ZNF407: variants seen among roughly 807,000 people sequenced by gnomAD.
The protein encoded by ZNF407 is zinc finger protein 407.
A neutral mutation model predicts 131.2 loss-of-function variants in ZNF407; 17 were observed. The ratio of observed to expected loss-of-function variants is 0.13; its 90% CI spans 0.09 to 0.19. The LOEUF is 0.19. ZNF407 is among the 10% of genes least tolerant of loss of function. ZNF407 has a pLI of 1.00. For synonymous variants in ZNF407, 1,156 were observed against 1,062.0 expected, an observed-to-expected ratio of 1.09 and a Z score of -1.72; for missense variants, 2,681 against 2,830.6, an observed-to-expected ratio of 0.95 and a Z score of 1.20.
At chr18:74,652,169 G>A (rs989409412) in intron 3 of ZNF407, among the ~76,000 whole-genome samples, 21 of 152,036 alleles carry the variant, frequency 1.4e-4, no homozygotes, top group African/African-American at 5.1e-4. Flanking sequence ...GAGCTATAAT[G>A]TAGGAAATCA....
At chr18:74,838,177 A>G (rs1970584197) in intron 4 of ZNF407, among the ~76,000 whole-genome samples, 1 of 152,162 alleles carries the variant, frequency 6.6e-6, no homozygotes, top group Admixed American at 6.5e-5. Context: ...ACTCCTTAAA[A>G]TACATGTTTC....
At chr18:74,687,417 G>T (rs547056196) in intron 3 of ZNF407, among the ~76,000 whole-genome samples, 175 of 152,268 alleles carry the variant, frequency 1.1e-3, no homozygotes, top group African/African-American at 3.9e-3. Context: ...AGGAGGAAAG[G>T]TGTAGCATGA....
chr18:74,695,845 T>C (rs1470030697), intron 3 of ZNF407, among the ~76,000 whole-genome samples: 2 of 152,212 alleles, frequency 1.3e-5, no homozygotes, highest in African/African-American at 4.8e-5. Flanking sequence ...GTGTCTACAT[T>C]GTTGGCATGC....
intron 1 of ZNF407, among the ~76,000 whole-genome samples, chr18:74,609,721 G>A (rs529726526): frequency 2.0e-4 from 31 of 152,318 alleles, no homozygotes; most frequent in African/African-American, 7.0e-4. Context: ...CATTACAACA[G>A]CTAAATGATG....
intron 4 of ZNF407, among the ~76,000 whole-genome samples, chr18:74,874,949 G>A (rs891389726): frequency 1.3e-5 from 2 of 152,104 alleles, no homozygotes; most frequent in East Asian, 3.8e-4. Flanking sequence ...GGGTTCACCC[G>A]GCAAGATAGA....
intron 7 of ZNF407, among the ~76,000 whole-genome samples, chr18:74,911,419 C>T (rs1222320711): frequency 6.6e-6 from 1 of 152,148 alleles, no homozygotes; most frequent in African/African-American, 2.4e-5. Flanking sequence ...CCTTTAGCAG[C>T]AATTGATATA....
chr18:74,767,661 T>G (rs1330969427), intron 3 of ZNF407, among the ~76,000 whole-genome samples: 1 of 142,478 alleles, frequency 7.0e-6, no homozygotes, highest in Non-Finnish European at 1.5e-5. Context: ...TTTTTTTTTT[T>G]TTTTTTTTTT....
chr18:74,750,052 C>T (rs1028821943), intron 3 of ZNF407, among the ~76,000 whole-genome samples: 1 of 152,184 alleles, frequency 6.6e-6, no homozygotes, highest in African/African-American at 2.4e-5. Flanking sequence ...TCACCCAAAT[C>T]CGTGCTATAG....
intron 4 of ZNF407, among the ~76,000 whole-genome samples, chr18:74,874,509 G>A (rs1272971360): frequency 6.6e-6 from 1 of 152,036 alleles, no homozygotes; most frequent in Non-Finnish European, 1.5e-5. Context: ...GGTGGCAGGC[G>A]AGGAAGAGTC....
intron 7 of ZNF407, among the ~76,000 whole-genome samples, chr18:74,910,242 T>C (rs974313572): frequency 1.3e-5 from 2 of 152,184 alleles, no homozygotes; most frequent in Admixed American, 6.5e-5. Context: ...TTGAATAGTT[T>C]ATAAACATGA....
chr18:74,615,978 C>G (rs993510590), intron 1 of ZNF407, among the ~76,000 whole-genome samples: 1 of 152,090 alleles, frequency 6.6e-6, no homozygotes, highest in South Asian at 2.1e-4. Context: ...ATTTTCCTGC[C>G]TCAGCCTCCC....
At chr18:74,697,921 T>C (rs1400027622) in intron 3 of ZNF407, among the ~76,000 whole-genome samples, 1 of 152,240 alleles carries the variant, frequency 6.6e-6, no homozygotes, top group Non-Finnish European at 1.5e-5. Flanking sequence ...CCTAGGATTT[T>C]TAATGGTTAT....
chr18:74,650,933 G>T (rs1457428424), intron 3 of ZNF407, among the ~76,000 whole-genome samples: 1 of 148,726 alleles, frequency 6.7e-6, no homozygotes, highest in African/African-American at 2.5e-5. Context: ...ATGTGTGTGT[G>T]TGTCTATCTA....
chr18:74,996,855 G>A (rs1972785778), intron 8 of ZNF407, among the ~76,000 whole-genome samples: 1 of 152,196 alleles, frequency 6.6e-6, no homozygotes, highest in South Asian at 2.1e-4. Context: ...ACTATGAAGA[G>A]ACAATCATTT....
At chr18:74,649,261 A>G (rs1040365403) in intron 3 of ZNF407, among the ~76,000 whole-genome samples, 1 of 152,244 alleles carries the variant, frequency 6.6e-6, no homozygotes, top group African/African-American at 2.4e-5. Flanking sequence ...GTTAATTTGC[A>G]TCATAATTAC....
intron 4 of ZNF407, among the ~76,000 whole-genome samples, chr18:74,828,346 A>C (rs1309693387): frequency 1.3e-5 from 2 of 152,132 alleles, no homozygotes; most frequent in African/African-American, 4.8e-5. Context: ...GCTGCCTTTC[A>C]CTGCCGGGCT....
chr18:74,781,669 T>A lies in ZNF407; in HGVS notation c.4877+167T>A, dbSNP rs535105440. Among the ~76,000 whole-genome samples the A allele has an allele frequency of 5.9e-5, 9 of 152,234 alleles. No individual in the cohort carries two copies. In the South Asian group the frequency reaches 1.9e-3, roughly 32 times the overall value. On this transcript the variant is annotated intron_variant, in intron 4 of 8. Coordinates refer to ENST00000299687, the MANE Select transcript of ZNF407 (RefSeq NM_017757.3). ...ATTTTATGCCATCGTTTCACAAAAA[T>A]TTAACATATTTTAATTAAAACTTGA...
chr18:74,934,285 G>A (rs938846621), intron 8 of ZNF407, among the ~76,000 whole-genome samples: 1 of 152,076 alleles, frequency 6.6e-6, no homozygotes, highest in Admixed American at 6.5e-5. Context: ...ACTATTGTAT[G>A]GAATATAAAT....
intron 4 of ZNF407, among the ~76,000 whole-genome samples, chr18:74,832,448 T>G (rs1970498566): frequency 6.7e-6 from 1 of 148,680 alleles, no homozygotes; most frequent in South Asian, 2.1e-4. Flanking sequence ...TTTAAGTTGG[T>G]TTTTTTTTTC....
Sources: allele counts gnomAD v4.1 joint callset (sites outside exome capture counted in the v4.1 genomes callset), GRCh38; gene constraint gnomAD v4.1.1; transcripts MANE v1.5; gene names NCBI Gene and HGNC (gene_info 2026-07-23, HGNC 2026-07-21).